KDM4C: variants seen among roughly 807,000 people sequenced by gnomAD.
The protein encoded by KDM4C is lysine demethylase 4C, also known as lysine-specific demethylase 4C.
Under a neutral mutation model 129.3 loss-of-function variants are expected in KDM4C, and 81 were observed. The ratio of observed to expected loss-of-function variants is 0.63; its 90% CI spans 0.52 to 0.75. The LOEUF is 0.75. KDM4C is among the 30% of genes least tolerant of loss of function. The pLI, the probability that KDM4C is intolerant of heterozygous loss-of-function variation, is 0.00. For synonymous variants in KDM4C, 573 were observed against 456.1 expected (o/e 1.26, Z -3.26); for missense variants, 1,457 against 1,304.0 (o/e 1.12, Z -1.81).
At chr9:6,759,779 C>G (rs1321426542) in intron 1 of KDM4C, among the ~76,000 whole-genome samples, 1 of 151,736 alleles carries the variant, frequency 6.6e-6, no homozygotes, top group Non-Finnish European at 1.5e-5. Context: ...ATGGCGAAAC[C>G]TCGTCTGTAC....
At chr9:7,141,182 G>T (rs10976066) in intron 19 of KDM4C, among the ~76,000 whole-genome samples, 41 of 152,298 alleles carry the variant, frequency 2.7e-4, no homozygotes, top group Non-Finnish European at 5.4e-4. Context: ...AAAGTCCACA[G>T]GGGTGTCCAA....
At chr9:7,044,782 T>TC (rs1829149912) in intron 15 of KDM4C, among the ~76,000 whole-genome samples, 1 of 151,958 alleles carries the variant, frequency 6.6e-6, no homozygotes, top group South Asian at 2.1e-4. Flanking sequence ...GTGGATCAGA[T>TC]GCTCAGCAGG....
chr9:7,130,940 T>TA (rs954088575), intron 19 of KDM4C, among the ~76,000 whole-genome samples: 2 of 150,918 alleles, frequency 1.3e-5, no homozygotes, highest in East Asian at 2.0e-4. Flanking sequence ...TTTTTTTTTT[T>TA]AATTTTTTTG....
At chr9:7,006,372 A>T (rs1470290392) in intron 12 of KDM4C, among the ~76,000 whole-genome samples, 1 of 152,134 alleles carries the variant, frequency 6.6e-6, no homozygotes, top group Non-Finnish European at 1.5e-5. Context: ...TTGGGGAATC[A>T]TTGCTTGAGC....
chr9:6,805,048 G>A (rs1187541991), intron 2 of KDM4C, among the ~76,000 whole-genome samples: 2 of 151,832 alleles, frequency 1.3e-5, no homozygotes, highest in African/African-American at 2.4e-5. Context: ...CTACAGGTGC[G>A]TGCCACCACG....
At chr9:7,020,198 T>A (rs566118788) in intron 15 of KDM4C, among the ~76,000 whole-genome samples, 2 of 152,226 alleles carry the variant, frequency 1.3e-5, no homozygotes, top group Non-Finnish European at 2.9e-5. Context: ...TAGTTACAAT[T>A]TTTTATTGTA....
chr9:6,996,063 T>G (rs1397032471), intron 12 of KDM4C, among the ~76,000 whole-genome samples: 1 of 152,238 alleles, frequency 6.6e-6, no homozygotes, highest in Non-Finnish European at 1.5e-5. Flanking sequence ...GACTTTAGTC[T>G]AACCATCACC....
intron 4 of KDM4C, among the ~76,000 whole-genome samples, chr9:6,837,558 T>C (rs1304290596): frequency 6.6e-6 from 1 of 152,254 alleles, no homozygotes; most frequent in Non-Finnish European, 1.5e-5. Context: ...CTTGTGCCTG[T>C]AAAATATGTT....
At chr9:6,990,624 T>C (rs1586751163) in intron 12 of KDM4C, 100 bp downstream of exon 12, 1 of 714,584 alleles carries the variant, frequency 1.4e-6, no homozygotes, top group East Asian at 2.8e-5. Flanking sequence ...ATTCAACAAG[T>C]AGCAAATACG....
At chr9:6,931,035 ACCAGGATT>A (rs1330752979) in intron 8 of KDM4C, among the ~76,000 whole-genome samples, 38 of 152,184 alleles carry the variant, frequency 2.5e-4, no homozygotes, top group African/African-American at 8.9e-4. Context: ...GTCTTCTTTT[ACCAGGATT>A]CATCAGGAGA....
At chr9:6,858,031 T>C (rs1840205263) in intron 5 of KDM4C, among the ~76,000 whole-genome samples, 1 of 150,914 alleles carries the variant, frequency 6.6e-6, no homozygotes, top group South Asian at 2.1e-4. Flanking sequence ...TCATAGCTCA[T>C]TGTAGCCTCA....
chr9:6,864,859 T>G (rs986280412), intron 5 of KDM4C, among the ~76,000 whole-genome samples: 1 of 152,092 alleles, frequency 6.6e-6, no homozygotes, highest in East Asian at 1.9e-4. Context: ...TGTGCCTGTC[T>G]TCAAGCTTAC....
intron 3 of KDM4C, among the ~76,000 whole-genome samples, chr9:6,808,424 T>C (rs2131066963): frequency 9.4e-6 from 1 of 106,798 alleles, no homozygotes; most frequent in Admixed American, 1.0e-4. Context: ...AAACATGTGC[T>C]GTGTCCACTC....
intron 5 of KDM4C, among the ~76,000 whole-genome samples, chr9:6,876,983 A>T (rs1843665140): frequency 6.6e-6 from 1 of 152,210 alleles, no homozygotes; most frequent in Non-Finnish European, 1.5e-5. Flanking sequence ...TATGGTAATT[A>T]GAAATCACCC....
intron 5 of KDM4C, among the ~76,000 whole-genome samples, chr9:6,855,526 T>C (rs1303186956): frequency 1.3e-5 from 2 of 150,942 alleles, no homozygotes; most frequent in East Asian, 2.0e-4. Flanking sequence ...CCAGTGTTTG[T>C]AGTTGGGATA....
chr9:6,827,272 T>C (rs1451610815), intron 4 of KDM4C, among the ~76,000 whole-genome samples: 1 of 152,260 alleles, frequency 6.6e-6, no homozygotes, highest in Non-Finnish European at 1.5e-5. Flanking sequence ...GAAATTGAAT[T>C]AACTGCTCTC....
intron 8 of KDM4C, among the ~76,000 whole-genome samples, chr9:6,979,555 A>C (rs2131798261): frequency 6.6e-6 from 1 of 152,330 alleles, no homozygotes; most frequent in East Asian, 1.9e-4. Flanking sequence ...CCTTAATGCC[A>C]GGCTCATAAA....
chr9:7,051,942 A>G (rs968344793), intron 17 of KDM4C, among the ~76,000 whole-genome samples: 2 of 152,310 alleles, frequency 1.3e-5, no homozygotes, highest in Middle Eastern at 3.4e-3. Context: ...ATAGGATTCC[A>G]GCAGCCTTCA....
chr9:7,076,991 ACT>A, intron 17 of KDM4C: 1 of 985,472 alleles, frequency 1.0e-6, no homozygotes, highest in South Asian at 4.7e-5. Flanking sequence ...AAGAGAATCC[ACT>A]CTATGTCTGT....
Sources: gnomAD v4.1 joint callset for allele counts (sites outside exome capture counted in the v4.1 genomes callset) on GRCh38, gnomAD v4.1.1 for gene constraint, MANE v1.5 for transcripts, NCBI Gene and HGNC (gene_info 2026-07-23, HGNC 2026-07-21) for gene names.